MALRD1: variants seen among roughly 807,000 people sequenced by gnomAD.
The protein encoded by MALRD1 is MAM and LDL-receptor class A domain-containing protein 1.
Under a neutral mutation model 242.1 loss-of-function variants are expected in MALRD1, and 247 were observed. The ratio of observed to expected loss-of-function variants is 1.02; its 90% CI spans 0.92 to 1.13. MALRD1 has a LOEUF of 1.13. Among genes scored for constraint, MALRD1 ranks in the 50% most tolerant of loss-of-function variants. The pLI is 0.00. For missense variants in MALRD1, 2,989 were observed against 2,533.1 expected (o/e 1.18, Z -3.86); for synonymous variants, 995 against 866.6 (o/e 1.15, Z -2.60).
At chr10:19,565,367 T>C (rs1836206088) in intron 32 of MALRD1, among the ~76,000 whole-genome samples, 4 of 152,086 alleles carry the variant, frequency 2.6e-5, no homozygotes, top group Non-Finnish European at 4.4e-5. Flanking sequence ...TAAATAAATA[T>C]ATGCTGAGGT....
intron 32 of MALRD1, among the ~76,000 whole-genome samples, chr10:19,564,094 C>T (rs899644254): frequency 3.9e-5 from 6 of 152,162 alleles, no homozygotes; most frequent in African/African-American, 1.4e-4. Context: ...GACAGTTAAA[C>T]CTCTTTTCTT....
chr10:19,358,228 G>GTGTA (rs1554839081), intron 26 of MALRD1, among the ~76,000 whole-genome samples: 1 of 151,710 alleles, frequency 6.6e-6, no homozygotes, highest in African/African-American at 2.4e-5. Flanking sequence ...GTGTGTGTGT[G>GTGTA]TGTATGAGTT....
In MALRD1 at chr10:19,454,762, G is replaced by A. The variant is rs114520804; in HGVS notation, c.5029+4272G>A. 8.4e-3 allele frequency among the ~76,000 whole-genome samples: 1,249 copies of A among 149,474 alleles called. 12 individuals carry two copies. The highest frequency in any genetic ancestry group is 0.03 in the African/African-American group (1,196 of 40,242). On this transcript the variant is annotated intron_variant, in intron 29 of 39. Coordinates refer to ENST00000454679, the MANE Select transcript of MALRD1 (RefSeq NM_001142308.3). The stretch of plus-strand genomic sequence containing the variant: ...CACACACACACACATTATATGTACC[G>A]TAATATGTATGGTATATATTTGGTA...
At chr10:19,053,798 TAA>T (rs35045590) in intron 1 of MALRD1, among the ~76,000 whole-genome samples, 1 of 151,414 alleles carries the variant, frequency 6.6e-6, no homozygotes, top group African/African-American at 2.4e-5. Flanking sequence ...TTCAATATAA[TAA>T]AAAAAAACCT....
At chr10:19,256,689 T>G (rs1361571509) in intron 18 of MALRD1, among the ~76,000 whole-genome samples, 1 of 152,084 alleles carries the variant, frequency 6.6e-6, no homozygotes, top group African/African-American at 2.4e-5. Context: ...AGAAAAGTGT[T>G]AAGAGGTTTG....
intron 39 of MALRD1, among the ~76,000 whole-genome samples, chr10:19,733,022 A>T (rs191067251): frequency 6.6e-6 from 1 of 152,164 alleles, no homozygotes; most frequent in Non-Finnish European, 1.5e-5. Flanking sequence ...TTTGATTTCT[A>T]TTGTTTCAGA....
chr10:19,146,713 A>T (rs1405596577), intron 11 of MALRD1, among the ~76,000 whole-genome samples: 1 of 152,220 alleles, frequency 6.6e-6, no homozygotes, highest in Admixed American at 6.5e-5. Flanking sequence ...TGTTTCTGGG[A>T]ACTGAGAACA....
chr10:19,275,561 C>T (rs963900785), intron 19 of MALRD1, among the ~76,000 whole-genome samples: 1 of 152,050 alleles, frequency 6.6e-6, no homozygotes, highest in African/African-American at 2.4e-5. Flanking sequence ...CCCCACTACT[C>T]AGGTGGCTGA....
At chr10:19,255,359 G>A (rs1048272456) in intron 18 of MALRD1, among the ~76,000 whole-genome samples, 20 of 151,668 alleles carry the variant, frequency 1.3e-4, no homozygotes, top group African/African-American at 4.6e-4. Flanking sequence ...ATTCGTTCTC[G>A]GGGAAAAACA....
intron 36 of MALRD1, among the ~76,000 whole-genome samples, chr10:19,648,918 GC>G (rs1840756898): frequency 6.6e-6 from 1 of 152,038 alleles, no homozygotes. Flanking sequence ...AGACCCTGGT[GC>G]CCGTTGTTTC....
intron 7 of MALRD1, among the ~76,000 whole-genome samples, chr10:19,127,638 A>G (rs1056762640): frequency 6.6e-6 from 1 of 152,182 alleles, no homozygotes; most frequent in Non-Finnish European, 1.5e-5. Flanking sequence ...AACAGCTCAA[A>G]TTGGTTTTAA....
chr10:19,300,586 T>C lies in MALRD1; in HGVS notation c.3419+17405T>C, dbSNP rs1377809549. ...TCCAACCACCTGATCTTTGACAAAA[T>C]TGACAATAAAAAGCAATGGGGAAAG... On this transcript the variant is annotated intron_variant, in intron 21 of 39. Coordinates refer to ENST00000454679, the MANE Select transcript of MALRD1 (RefSeq NM_001142308.3). Among the ~76,000 whole-genome samples the C allele has an allele frequency of 4.0e-5, 6 of 151,806 alleles. No individual in the cohort carries two copies. In the South Asian group the frequency reaches 1.2e-3, roughly 32 times the overall value.
chr10:19,279,987 T>C (rs1840726144), intron 19 of MALRD1, 60 bp from the exon 20 acceptor site: 2 of 1,322,580 alleles, frequency 1.5e-6, no homozygotes. Flanking sequence ...GTAAAATCTC[T>C]AAAGCAGTAG....
intron 18 of MALRD1, among the ~76,000 whole-genome samples, chr10:19,254,625 ATT>A (rs1045559986): frequency 6.6e-6 from 1 of 152,028 alleles, no homozygotes; most frequent in African/African-American, 2.4e-5. Context: ...CTTTTTATAA[ATT>A]TTAAACTAAA....
At chr10:19,606,696 C>T (rs1012706500) in intron 34 of MALRD1, among the ~76,000 whole-genome samples, 14 of 152,058 alleles carry the variant, frequency 9.2e-5, no homozygotes, top group African/African-American at 3.1e-4. Flanking sequence ...ACCACTGGCA[C>T]AGACCAGAAC....
intron 29 of MALRD1, among the ~76,000 whole-genome samples, chr10:19,470,142 C>A (rs1463698605): frequency 1.3e-5 from 2 of 151,978 alleles, no homozygotes; most frequent in African/African-American, 4.8e-5. Flanking sequence ...AATCACCATT[C>A]TATGCTTCTG....
In MALRD1 at chr10:19,108,397, T is replaced by G. The variant is rs1332829694; in HGVS notation, c.694+4322T>G. Among the ~76,000 whole-genome samples, 34 of 13,038 alleles carry G rather than the reference T, an allele frequency of 2.6e-3. 1 individual carries two copies. The highest frequency in any genetic ancestry group is 0.062 in the Middle Eastern group (1 of 16). 8.6% of individuals were successfully genotyped at this position (13,038 alleles called of 152,430 possible). A position where few individuals can be genotyped will look rare whatever the true frequency, so the allele number is the denominator to read the frequency against. On this transcript the variant is annotated intron_variant, in intron 5 of 39. Coordinates refer to ENST00000454679, the MANE Select transcript of MALRD1 (RefSeq NM_001142308.3). ...CATGAATTGTTTTTTCTTTTTTTTTTTTTTTTTTTTTTTTTTTTTTTTTTT... is the reference window on the plus strand; with the variant it reads ...CATGAATTGTTTTTTCTTTTTTTTTGTTTTTTTTTTTTTTTTTTTTTTTTT...
chr10:19,398,014 T>C (rs1411450255), intron 28 of MALRD1, among the ~76,000 whole-genome samples: 2 of 152,104 alleles, frequency 1.3e-5, no homozygotes, highest in Non-Finnish European at 2.9e-5. Flanking sequence ...GATTATTTGC[T>C]TTTTTGACTA....
At chr10:19,302,160 T>C (rs924784738) in intron 21 of MALRD1, among the ~76,000 whole-genome samples, 3 of 151,844 alleles carry the variant, frequency 2.0e-5, no homozygotes, top group Admixed American at 1.3e-4. Flanking sequence ...TCATACTTGC[T>C]AATGGTAATG....
Sources: allele counts gnomAD v4.1 joint callset (sites outside exome capture counted in the v4.1 genomes callset), GRCh38; gene constraint gnomAD v4.1.1; transcripts MANE v1.5; gene names NCBI Gene and HGNC (gene_info 2026-07-23, HGNC 2026-07-21).